The following LRP6 variants were observed in gnomAD, a reference collection of about 807,000 sequenced individuals.
The protein encoded by LRP6 is low-density lipoprotein receptor-related protein 6.
Under a neutral mutation model 184.1 loss-of-function variants are expected in LRP6, and 43 were observed. The observed-to-expected ratio is 0.23, with a 90% CI of 0.18 to 0.30. The LOEUF (loss-of-function observed/expected upper bound fraction) is 0.30. LRP6 is among the 10% of genes least tolerant of loss of function. The pLI, the probability that LRP6 is intolerant of heterozygous loss-of-function variation, is 1.00. For synonymous variants in LRP6, 719 were observed against 684.9 expected, an observed-to-expected ratio of 1.05 and a Z score of -0.78; for missense variants, 1,571 against 2,005.3, an observed-to-expected ratio of 0.78 and a Z score of 4.14.
At chr12:12,186,810 C>T in intron 4 of LRP6, 113 bp downstream of exon 4, 1 of 962,732 alleles carries the variant, frequency 1.0e-6, no homozygotes. Flanking sequence ...CTTTTTTATT[C>T]CCGCCAACTA....
At chr12:12,261,318 G>A (rs911804195) in intron 1 of LRP6, among the ~76,000 whole-genome samples, 10 of 151,762 alleles carry the variant, frequency 6.6e-5, no homozygotes, top group African/African-American at 2.2e-4. Flanking sequence ...CAGGAGAATG[G>A]CGTGAACCCG....
intron 3 of LRP6, among the ~76,000 whole-genome samples, chr12:12,197,482 G>T (rs781148951): frequency 6.6e-6 from 1 of 152,132 alleles, no homozygotes; most frequent in African/African-American, 2.4e-5. Flanking sequence ...TCACAGTCAG[G>T]AAACAAACAA....
At chr12:12,179,741 A>T in intron 7 of LRP6, 69 bp downstream of exon 7, 2 of 1,532,868 alleles carry the variant, frequency 1.3e-6, no homozygotes, top group Non-Finnish European at 1.8e-6. Flanking sequence ...ATCTGTACTC[A>T]AATCATTATA....
chr12:12,259,491 T>C (rs1367754894), intron 1 of LRP6, among the ~76,000 whole-genome samples: 3 of 152,142 alleles, frequency 2.0e-5, no homozygotes, highest in Non-Finnish European at 4.4e-5. Flanking sequence ...CAAGTTATGA[T>C]ACCGCTAAAA....
chr12:12,255,369 T>C (rs919601442), intron 1 of LRP6, among the ~76,000 whole-genome samples: 1 of 152,014 alleles, frequency 6.6e-6, no homozygotes, highest in East Asian at 1.9e-4. Context: ...CCTACCTATT[T>C]GGCCCACATT....
intron 12 of LRP6, chr12:12,155,384 CA>C: frequency 1.3e-6 from 1 of 783,076 alleles, no homozygotes. Context: ...ATATTGTAGA[CA>C]TCAAGGGAAT....
rs778211164 is a variant in LRP6, at chr12:12,159,137, A to G, written c.2483T>C (p.Ile828Thr). The G allele has an allele frequency of 2.5e-6, 4 of 1,614,120 alleles. No homozygotes were observed. Among genetic ancestry groups the G allele is most frequent in the Non-Finnish European group, 3.4e-6 (4 of 1,179,972 alleles). Residue 828 changes from isoleucine (I) to threonine (T), a missense_variant, in exon 12 of 23, where the codon ATA becomes ACA. Coordinates refer to ENST00000261349, the MANE Select transcript of LRP6 (RefSeq NM_002336.3). ...AAAAGGATGAGGCAAGTCATCTGCT[A>G]TAACTTCACGGTTGAGCCCTATTTT... ...SNMLGLNREV[I>T]ADDLPHPFGL... is the part of the protein sequence containing the mutation.
At chr12:12,162,916 A>C (rs1361254671) in intron 9 of LRP6, among the ~76,000 whole-genome samples, 1 of 152,196 alleles carries the variant, frequency 6.6e-6, no homozygotes, top group Non-Finnish European at 1.5e-5. Flanking sequence ...GTATTATCCT[A>C]AGTACGTTTT....
chr12:12,147,739 A>T (rs1950030119), intron 14 of LRP6, among the ~76,000 whole-genome samples, 183 bp from the exon 15 acceptor site: 1 of 152,132 alleles, frequency 6.6e-6, no homozygotes, highest in Admixed American at 6.6e-5. Flanking sequence ...TGGGAGACTG[A>T]GGCGGGGGTA....
chr12:12,217,553 C>T (rs1209217936), intron 2 of LRP6, among the ~76,000 whole-genome samples: 2 of 152,012 alleles, frequency 1.3e-5, no homozygotes, highest in African/African-American at 4.8e-5. Flanking sequence ...GTCCCTGGTG[C>T]CAAAAAGGTA....
At chr12:12,137,331 T>A (rs935943503) in intron 16 of LRP6, among the ~76,000 whole-genome samples, 5 of 152,192 alleles carry the variant, frequency 3.3e-5, no homozygotes, top group Non-Finnish European at 7.4e-5. Context: ...CATTTATTCC[T>A]CTCTATGATT....
At chr12:12,191,960 T>C (rs1383585617) in intron 3 of LRP6, among the ~76,000 whole-genome samples, 4 of 152,044 alleles carry the variant, frequency 2.6e-5, no homozygotes, top group Admixed American at 2.0e-4. Context: ...AGATGGTAAC[T>C]TGAACCCTCA....
intron 2 of LRP6, among the ~76,000 whole-genome samples, chr12:12,222,999 C>T (rs1421147171): frequency 6.6e-6 from 1 of 151,932 alleles, no homozygotes; most frequent in Non-Finnish European, 1.5e-5. Context: ...TTCTCTGAAG[C>T]CAAAATTATA....
intron 12 of LRP6, among the ~76,000 whole-genome samples, chr12:12,155,955 T>C (rs959157464): frequency 6.6e-6 from 1 of 152,178 alleles, no homozygotes; most frequent in African/African-American, 2.4e-5. Context: ...TAAGTGTTAT[T>C]CTAAGGCACA....
chr12:12,127,520 T>C (rs982012157), intron 19 of LRP6, among the ~76,000 whole-genome samples: 3 of 152,158 alleles, frequency 2.0e-5, no homozygotes, highest in East Asian at 3.8e-4. Context: ...GGCTGTCTAG[T>C]TGCCTGAGAC....
intron 7 of LRP6, among the ~76,000 whole-genome samples, chr12:12,169,153 C>T (rs918711947): frequency 2.2e-4 from 34 of 151,748 alleles, no homozygotes; most frequent in African/African-American, 8.0e-4. Context: ...TGCTTAAACC[C>T]GGGAGGCAGA....
At chr12:12,167,380 A>G (rs1434631268) in intron 7 of LRP6, among the ~76,000 whole-genome samples, 1 of 152,174 alleles carries the variant, frequency 6.6e-6, no homozygotes, top group Non-Finnish European at 1.5e-5. Context: ...GCGGTGGCTC[A>G]CGCCTGTAAT....
intron 2 of LRP6, among the ~76,000 whole-genome samples, chr12:12,242,930 C>T (rs1865101093): frequency 6.6e-6 from 1 of 152,152 alleles, no homozygotes; most frequent in Admixed American, 6.5e-5. Flanking sequence ...ACATATAAAC[C>T]TTTCTTCCAT....
chr12:12,139,526 T>C (rs188766102), intron 15 of LRP6, among the ~76,000 whole-genome samples: 1 of 152,204 alleles, frequency 6.6e-6, no homozygotes, highest in Admixed American at 6.5e-5. Context: ...GAGTTCGACA[T>C]CAGCCTGGGC....
Sources: gnomAD v4.1 joint callset for allele counts (sites outside exome capture counted in the v4.1 genomes callset) on GRCh38, gnomAD v4.1.1 for gene constraint, MANE v1.5 for transcripts, NCBI Gene and HGNC (gene_info 2026-07-23, HGNC 2026-07-21) for gene names.